Variants in CCR6 observed in about 807,000 individuals in gnomAD.
The protein encoded by CCR6 is C-C motif chemokine receptor 6, also known as C-C chemokine receptor type 6.
In CCR6, 2 loss-of-function variants were observed where a neutral mutation model predicts 3.0. The observed-to-expected ratio is 0.66, with a 90% CI of 0.27 to 2.07. CCR6 has a LOEUF of 2.07. CCR6 is among the 30% of genes most tolerant of loss of function. The probability of loss-of-function intolerance (pLI) is 0.14; values close to 1 mark genes in which losing one functional copy is unlikely to be tolerated. For synonymous variants in CCR6, 193 were observed against 184.3 expected (o/e 1.05, Z -0.38); for missense variants, 322 against 462.8 (o/e 0.70, Z 2.79).
chr6:167,128,452 G>A lies in CCR6; in HGVS notation c.-98+5229G>A, dbSNP rs145760404. ...GCTTTCCAGCTGGCTGGATGTCTGCGCCCACATAGTACTGATTAACTAGCC... is the reference window on the plus strand; with the variant it reads ...GCTTTCCAGCTGGCTGGATGTCTGCACCCACATAGTACTGATTAACTAGCC... On this transcript the variant is annotated intron_variant, in intron 1 of 2. Transcript: ENST00000341935. Among the ~76,000 whole-genome samples, 95 of 152,366 alleles carry A rather than the reference G, an allele frequency of 6.2e-4. 1 individual carries two copies. The highest frequency in any genetic ancestry group is 3.5e-3 in the East Asian group (18 of 5,192).
upstream of CCR6, among the ~76,000 whole-genome samples, chr6:167,118,089 C>A (rs561564732): frequency 1.3e-5 from 2 of 152,068 alleles, no homozygotes; most frequent in African/African-American, 4.8e-5. Flanking sequence ...GTTCCATCGG[C>A]GTCTCTGGGT....
intron 1 of CCR6, among the ~76,000 whole-genome samples, chr6:167,134,119 A>T (rs1781814505): frequency 6.6e-6 from 1 of 151,856 alleles, no homozygotes; most frequent in Non-Finnish European, 1.5e-5. Flanking sequence ...TCCTGCCAGG[A>T]TCCATAATCC....
intron 1 of CCR6, among the ~76,000 whole-genome samples, chr6:167,128,606 C>G (rs1050008204): frequency 5.3e-5 from 8 of 152,172 alleles, no homozygotes; most frequent in Admixed American, 2.6e-4. Context: ...GAGTCTTGCT[C>G]TGTCACCCAG....
chr6:167,118,608 C>T (rs1781537946), upstream of CCR6, among the ~76,000 whole-genome samples: 1 of 152,174 alleles, frequency 6.6e-6, no homozygotes, highest in South Asian at 2.1e-4. Context: ...TTGTTCCTTA[C>T]TGATATTTTC....
chr6:167,133,934 A>ATG lies in CCR6; in HGVS notation c.-97-2103_-97-2102insGT, dbSNP rs1562560643. On this transcript the variant is annotated intron_variant, in intron 1 of 2. Transcript: ENST00000341935. ...ACTATTATATATGATATATGTGTGT[A>ATG]TATATATATATATATATATATATAT... Among the ~76,000 whole-genome samples, 51 of 10,260 alleles carry ATG rather than the reference A, an allele frequency of 5.0e-3. 2 individuals carry two copies. Among genetic ancestry groups the ATG allele is most frequent in the African/African-American group, 6.7e-3 (50 of 7,492 alleles). 6.7% of individuals were successfully genotyped at this position (10,260 alleles called of 152,430 possible).
intron 1 of CCR6, among the ~76,000 whole-genome samples, chr6:167,117,640 C>T (rs1009905802): frequency 4.6e-5 from 7 of 151,822 alleles, no homozygotes; most frequent in Non-Finnish European, 7.4e-5. Flanking sequence ...TGGTCTCGAT[C>T]TCCTGACCTC....
In CCR6 at chr6:167,136,955, T is replaced by C; in HGVS notation, c.725T>C (p.Val242Ala). 1 of 1,614,224 alleles carries C rather than the reference T, an allele frequency of 6.2e-7. No individual in the cohort carries two copies. The highest frequency in any genetic ancestry group is 8.5e-7 in the Non-Finnish European group (1 of 1,180,042). The change falls in exon 3 of 3, where the codon GTG (valine) becomes GCG (alanine). Residue 242 changes from valine to alanine, a missense_variant. Val to Ala is a moderately conservative substitution (Grantham distance 64). Transcript: ENST00000341935. The surrounding 1 kb of genome is among the most constrained non-coding windows in gnomAD (Gnocchi z 4.6). ...TACACGTTCATTGTCAAAACCTTGGTGCAAGCTCAGAATTCTAAAAGGCAC... is the reference window on the plus strand; with the variant it reads ...TACACGTTCATTGTCAAAACCTTGGCGCAAGCTCAGAATTCTAAAAGGCAC... ...FCYTFIVKTL[V>A]QAQNSKRHKA...
intron 1 of CCR6, chr6:167,126,548 T>TG (rs1781671746): frequency 6.6e-6 from 1 of 152,502 alleles, no homozygotes; most frequent in South Asian, 2.1e-4. Flanking sequence ...GCCTGTGAGC[T>TG]GCTGCAGTCA....
upstream of CCR6, chr6:167,120,827 T>C (rs1393640409): frequency 6.6e-6 from 1 of 152,266 alleles, no homozygotes; most frequent in Non-Finnish European, 1.5e-5. Flanking sequence ...TGAGGAAGTT[T>C]CAATAAGAGT....
chr6:167,120,365 G>A (rs1310042054), upstream of CCR6, among the ~76,000 whole-genome samples: 1 of 152,164 alleles, frequency 6.6e-6, no homozygotes, highest in African/African-American at 2.4e-5. Flanking sequence ...GGTTAACAAA[G>A]CATTTACTAT....
intron 1 of CCR6, chr6:167,131,060 C>A: frequency 6.8e-6 from 1 of 147,688 alleles, no homozygotes; most frequent in Non-Finnish European, 1.5e-5. Flanking sequence ...GGCCCCCTCC[C>A]AACTCCTTCT....
chr6:167,114,924 T>G (rs895209385), intron 1 of CCR6: 2 of 152,236 alleles, frequency 1.3e-5, no homozygotes, highest in African/African-American at 2.4e-5. Flanking sequence ...GCAAGATCAT[T>G]TGATAGGAGA....
intron 1 of CCR6, among the ~76,000 whole-genome samples, chr6:167,112,835 T>A (rs1332736160): frequency 6.6e-6 from 1 of 152,076 alleles, no homozygotes; most frequent in Non-Finnish European, 1.5e-5. Flanking sequence ...GTCTGGAACG[T>A]GTGTCTCTGG....
rs1030571222 is a variant in CCR6 at position 167,138,590 on chromosome 6, G to C, written c.*1235G>C. The C allele has an allele frequency of 1.3e-5, 2 of 152,414 alleles. No homozygotes were observed. The highest frequency in any genetic ancestry group is 6.8e-3 in the Middle Eastern group (2 of 294). 9.4% of individuals were successfully genotyped at this position (152,414 alleles called of 1,614,324 possible). On this transcript the variant is annotated 3_prime_UTR_variant, in exon 3 of 3. Transcript: ENST00000341935. ...GGGCTATGTAAATATATGAACATTAGAAAAATAGCAACTTGTGTTACAAAA... is the reference window on the plus strand; with the variant it reads ...GGGCTATGTAAATATATGAACATTACAAAAATAGCAACTTGTGTTACAAAA...
At chr6:167,125,207 G>C (rs1490625494) in intron 1 of CCR6, among the ~76,000 whole-genome samples, 1 of 152,160 alleles carries the variant, frequency 6.6e-6, no homozygotes, top group Non-Finnish European at 1.5e-5. Flanking sequence ...ATTTAAAACT[G>C]TCTGACAATT....
intron 1 of CCR6, among the ~76,000 whole-genome samples, chr6:167,125,074 A>G (rs930798221): frequency 6.6e-6 from 1 of 151,920 alleles, no homozygotes; most frequent in Non-Finnish European, 1.5e-5. Flanking sequence ...CACTGCACAC[A>G]TGCACACATG....
chr6:167,113,449 G>A (rs1206274279), intron 1 of CCR6, among the ~76,000 whole-genome samples: 1 of 152,172 alleles, frequency 6.6e-6, no homozygotes, highest in African/African-American at 2.4e-5. Flanking sequence ...CACAGAGAGG[G>A]CAACTCAGTA....
At chr6:167,119,553 G>A (rs1389015261), upstream of CCR6, among the ~76,000 whole-genome samples, 6 of 152,112 alleles carry the variant, frequency 3.9e-5, no homozygotes, top group African/African-American at 1.2e-4. Flanking sequence ...TAATTTTCAG[G>A]CCAGCTACTT....
In CCR6 at chr6:167,136,109, A is replaced by G. The variant is rs776702941; in HGVS notation, c.-26A>G. ...TGAACCATACACTCCTTTTTCTACA[A>G]CCAGCTTGCATTTTTTCTGCCCACA... On this transcript the variant is annotated 5_prime_UTR_variant, in exon 2 of 3. Coordinates refer to ENST00000341935, the MANE Select transcript of CCR6 (RefSeq NM_031409.4). The surrounding 1 kb of genome is among the most constrained non-coding windows in gnomAD (Gnocchi z 4.6). 1.9e-6 allele frequency: 3 copies of G among 1,612,660 alleles called. No individual in the cohort carries two copies. The highest frequency in any genetic ancestry group is 4.5e-5 in the East Asian group (2 of 44,882).
Sources: gnomAD v4.1 joint callset for allele counts (sites outside exome capture counted in the v4.1 genomes callset) on GRCh38, gnomAD v4.1.1 for gene constraint, Gnocchi (gnomAD v3.1) non-coding constraint, MANE v1.5 for transcripts, NCBI Gene and HGNC (gene_info 2026-07-23, HGNC 2026-07-21) for gene names.